The following DLG1 variants were observed in gnomAD, a reference collection of about 807,000 sequenced individuals.
DLG1 encodes the protein discs large MAGUK scaffold protein 1.
DLG1 carries 42 observed loss-of-function variants against 123.4 expected under a neutral mutation model. That is an observed-to-expected ratio of 0.34 (90% confidence interval 0.27 to 0.44). DLG1 has a LOEUF of 0.44. Ranked by LOEUF, DLG1 falls within the 20% of genes least tolerant of loss-of-function variation. DLG1 has a pLI of 1.00. For missense variants in DLG1, 942 were observed against 1,082.6 expected (o/e 0.87, Z 1.82); for synonymous variants, 317 against 356.2 (o/e 0.89, Z 1.24).
chr3:197,191,031 CA>C (rs1719183362), intron 5 of DLG1, among the ~76,000 whole-genome samples: 1 of 150,462 alleles, frequency 6.6e-6, no homozygotes, highest in Admixed American at 6.6e-5. Flanking sequence ...AACAAAACAA[CA>C]ACAGAAAGGG....
chr3:197,263,653 G>A (rs1358337113), intron 4 of DLG1, among the ~76,000 whole-genome samples: 3 of 152,082 alleles, frequency 2.0e-5, no homozygotes, highest in African/African-American at 7.2e-5. Flanking sequence ...CAGGCGTGGT[G>A]GCGCATGCCT....
rs1210809636 is a variant in DLG1 at position 197,149,742 on chromosome 3, C to G, written c.537+1G>C. On this transcript the variant is annotated splice_donor_variant, in intron 6 of 24. Coordinates refer to ENST00000667157, the MANE Select transcript of DLG1 (RefSeq NM_001366207.1). LOFTEE classifies it high-confidence loss of function. The stretch of plus-strand genomic sequence containing the variant: ...CAATGTGGGGAGGAAATGGAACTTA[C>G]GTAAGTTGGTGTTTCCAAGCTATCT... The G allele has an allele frequency of 6.3e-7, 1 of 1,591,576 alleles. No homozygotes were observed. The highest frequency in any genetic ancestry group is 8.6e-7 in the Non-Finnish European group (1 of 1,160,168).
At chr3:197,232,479 G>C (rs986030054) in intron 4 of DLG1, among the ~76,000 whole-genome samples, 2 of 151,628 alleles carry the variant, frequency 1.3e-5, no homozygotes, top group Admixed American at 1.3e-4. Context: ...TAGGTTTATA[G>C]CTCTATGCTT....
rs1455156472 is a variant in DLG1 at position 197,258,440 on chromosome 3, G to T, written c.318+24239C>A. Among the ~76,000 whole-genome samples the T allele has an allele frequency of 2.0e-4, 9 of 45,904 alleles. No individual in the cohort carries two copies. The South Asian group carries it at 3.4e-3, about 18-fold the overall frequency. 30.1% of individuals were successfully genotyped at this position (45,904 alleles called of 152,430 possible). Reference sequence around the variant, plus strand: ...CATATAGTTATGGGGGGGCGGGGGGGAACAACCAAAAAACTAATCATCATT... The same window carrying T: ...CATATAGTTATGGGGGGGCGGGGGGTAACAACCAAAAAACTAATCATCATT... On this transcript the variant is annotated intron_variant, in intron 4 of 24. Coordinates refer to ENST00000667157, the MANE Select transcript of DLG1 (RefSeq NM_001366207.1).
intron 18 of DLG1, among the ~76,000 whole-genome samples, chr3:197,072,694 A>T (rs149340678): frequency 8.1e-5 from 12 of 148,264 alleles, no homozygotes; most frequent in Admixed American, 7.4e-4. Context: ...AAAAAAAAAA[A>T]CAAAAAAACA....
intron 3 of DLG1, among the ~76,000 whole-genome samples, chr3:197,288,731 AAAAAAAAAAAAAATACATACATAC>A (rs1579431540): frequency 1.1e-5 from 1 of 91,952 alleles, no homozygotes. Flanking sequence ...AAAAAAAAAA[AAAAAAAAAAAAAATACATACATAC>A]ATACATACAT....
rs140074712 is a variant in DLG1 at position 197,153,432 on chromosome 3, T to C, written c.484-3636A>G. 3.9e-3 allele frequency among the ~76,000 whole-genome samples: 596 copies of C among 152,284 alleles called. 3 individuals carry two copies. The highest frequency in any genetic ancestry group is 0.013 in the African/African-American group (560 of 41,550). On this transcript the variant is annotated intron_variant, in intron 5 of 24. Transcript: ENST00000667157. ...TTAGCACAGCAGCAGCTCCCCACACTCTATCCCTCAGTCAACTGTGTACCG... is the reference window on the plus strand; with the variant it reads ...TTAGCACAGCAGCAGCTCCCCACACCCTATCCCTCAGTCAACTGTGTACCG...
chr3:197,290,610 TA>T (rs965836408), intron 3 of DLG1, among the ~76,000 whole-genome samples: 100 of 151,702 alleles, frequency 6.6e-4, no homozygotes, highest in African/African-American at 2.4e-3. Context: ...AAAATTATAT[TA>T]AAAAAAAGTA....
chr3:197,173,676 C>G (rs1279627928), intron 5 of DLG1, among the ~76,000 whole-genome samples: 2 of 152,166 alleles, frequency 1.3e-5, no homozygotes, highest in Non-Finnish European at 2.9e-5. Flanking sequence ...GGTTAGCAAA[C>G]ATTTTTGGAA....
intron 19 of DLG1, among the ~76,000 whole-genome samples, chr3:197,068,167 T>A (rs766726922): frequency 6.6e-6 from 1 of 152,226 alleles, no homozygotes; most frequent in Non-Finnish European, 1.5e-5. Context: ...CAATATTTTA[T>A]AAGCTGTTTT....
At chr3:197,092,705 G>A (rs1337602354) in intron 14 of DLG1, among the ~76,000 whole-genome samples, 2 of 152,050 alleles carry the variant, frequency 1.3e-5, no homozygotes, top group Non-Finnish European at 1.5e-5. Context: ...ATCTTGCTGT[G>A]TTGCCCAGGC....
At chr3:197,288,102 A>G (rs1666494690) in intron 3 of DLG1, among the ~76,000 whole-genome samples, 2 of 152,286 alleles carry the variant, frequency 1.3e-5, no homozygotes, top group African/African-American at 4.8e-5. Flanking sequence ...GCAGTGGCTC[A>G]CACCTGTAAT....
intron 23 of DLG1, among the ~76,000 whole-genome samples, chr3:197,056,791 C>T (rs1020792837): frequency 6.6e-6 from 1 of 152,154 alleles, no homozygotes; most frequent in Non-Finnish European, 1.5e-5. Context: ...GACTAGGACC[C>T]CAGAATCTGG....
intron 4 of DLG1, among the ~76,000 whole-genome samples, chr3:197,278,139 C>T (rs1024620600): frequency 6.6e-6 from 1 of 151,510 alleles, no homozygotes; most frequent in Non-Finnish European, 1.5e-5. Flanking sequence ...CAAAAATTAG[C>T]CGTGTATGAT....
chr3:197,105,155 T>A (rs570893388), intron 13 of DLG1, 150 bp from the exon 14 acceptor site: 1 of 531,804 alleles, frequency 1.9e-6, no homozygotes, highest in Non-Finnish European at 3.4e-6. Context: ...ACTAAAAATA[T>A]ATTGTGTAGT....
intron 3 of DLG1, among the ~76,000 whole-genome samples, chr3:197,285,825 A>G (rs924387520): frequency 2.0e-5 from 3 of 152,208 alleles, no homozygotes; most frequent in African/African-American, 7.2e-5. Context: ...GCATTTCTTA[A>G]AAACTATACA....
At chr3:197,088,637 A>G (rs953000250) in intron 15 of DLG1, among the ~76,000 whole-genome samples, 4 of 152,252 alleles carry the variant, frequency 2.6e-5, no homozygotes, top group African/African-American at 9.6e-5. Flanking sequence ...AGAGCTATAC[A>G]GCACGTTTAC....
In DLG1 at chr3:197,139,951, T is replaced by A. The variant is rs539479093; in HGVS notation, c.713+189A>T. 3.1e-3 allele frequency among the ~76,000 whole-genome samples: 470 copies of A among 152,364 alleles called. 3 individuals carry two copies. Among genetic ancestry groups the A allele is most frequent in the African/African-American group, 0.011 (446 of 41,576 alleles). ...TAATATCTAAGATAAAACTGGAGTCTAAATGAAAACAGGAACACAATGCTT... is the reference window on the plus strand; with the variant it reads ...TAATATCTAAGATAAAACTGGAGTCAAAATGAAAACAGGAACACAATGCTT... On this transcript the variant is annotated intron_variant, in intron 8 of 24. Coordinates refer to ENST00000667157, the MANE Select transcript of DLG1 (RefSeq NM_001366207.1).
At chr3:197,220,290 A>G (rs191044329) in intron 4 of DLG1, among the ~76,000 whole-genome samples, 52 of 152,310 alleles carry the variant, frequency 3.4e-4, no homozygotes, top group African/African-American at 1.2e-3. Context: ...ATATATTTAA[A>G]CCAAGTGGTA....
Sources: gnomAD v4.1 joint callset for allele counts (sites outside exome capture counted in the v4.1 genomes callset) on GRCh38, gnomAD v4.1.1 for gene constraint, MANE v1.5 for transcripts, NCBI Gene and HGNC (gene_info 2026-07-23, HGNC 2026-07-21) for gene names.